Variants in CDKN2B-AS1 observed in about 807,000 individuals in gnomAD.
CDKN2B-AS1 encodes the protein CDKN2B antisense RNA 1 (non-protein coding).
In CDKN2B-AS1 at chr9:22,118,777, T is replaced by A. The variant is rs1563992667; in HGVS notation, n.439-8326T>A. On this transcript the variant is annotated intron_variant and non_coding_transcript_variant, in intron 4 of 4. Coordinates refer to ENST00000650946, the Ensembl canonical transcript of CDKN2B-AS1. ...GTCTGTGATCCAGTAGGTGAGTGAC[T>A]CTGCTGCTGAAATTCACATGTATGT... The A allele has an allele frequency of 2.0e-5, 3 of 152,302 alleles. No homozygotes were observed. The East Asian group carries it at 5.8e-4, about 29-fold the overall frequency. 9.4% of individuals were successfully genotyped at this position (152,302 alleles called of 1,614,324 possible).
At chr9:22,004,962 T>C in intron 1 of CDKN2B-AS1, 2 of 233,356 alleles carry the variant, frequency 8.6e-6, no homozygotes, top group Non-Finnish European at 8.5e-6. Flanking sequence ...ATTTAAGAGC[T>C]GTAGTTCTTC....
At chr9:22,068,454 G>T (rs921245938) in intron 4 of CDKN2B-AS1, among the ~76,000 whole-genome samples, 1 of 152,184 alleles carries the variant, frequency 6.6e-6, no homozygotes, top group Admixed American at 6.6e-5. Flanking sequence ...AAGGATCAGG[G>T]AGTCAGGCGG....
intron 4 of CDKN2B-AS1, among the ~76,000 whole-genome samples, chr9:22,125,491 A>G (rs1329756795): frequency 2.6e-5 from 4 of 152,222 alleles, no homozygotes; most frequent in Non-Finnish European, 4.4e-5. Flanking sequence ...TACTAACCAT[A>G]TGATCAACAG....
Position 22,002,819 on chromosome 9 carries a change from A to T in CDKN2B-AS1, n.29+7658A>T, listed in dbSNP as rs573477576. 1.7e-5 allele frequency: 3 copies of T among 173,182 alleles called. No homozygotes were observed. The East Asian group carries it at 3.1e-4, about 18-fold the overall frequency. The allele number at this position is 173,182 out of a possible 1,614,324, so 10.7% of individuals were successfully genotyped here. A position where few individuals can be genotyped will look rare whatever the true frequency, so the allele number is the denominator to read the frequency against. On this transcript the variant is annotated intron_variant and non_coding_transcript_variant, in intron 1 of 4. Coordinates refer to ENST00000650946, the Ensembl canonical transcript of CDKN2B-AS1. ...ATTTAAGGCATAGGAAATTTTACAT[A>T]GATTTTGCTTTAACAGCAAAACACC...
chr9:22,034,117 T>C (rs963773896), intron 1 of CDKN2B-AS1, among the ~76,000 whole-genome samples: 8 of 152,216 alleles, frequency 5.3e-5, no homozygotes, highest in Non-Finnish European at 1.0e-4. Context: ...GGCCAGATCA[T>C]GTTGAACATG....
intron 4 of CDKN2B-AS1, among the ~76,000 whole-genome samples, chr9:22,125,519 G>A (rs748051817): frequency 7.2e-5 from 11 of 152,172 alleles, no homozygotes; most frequent in East Asian, 1.9e-4. Flanking sequence ...GCAGCCACTC[G>A]CAGAGGTAAG....
chr9:22,064,338 A>G (rs1823948000), intron 4 of CDKN2B-AS1, among the ~76,000 whole-genome samples: 1 of 152,130 alleles, frequency 6.6e-6, no homozygotes, highest in African/African-American at 2.4e-5. Context: ...TGTCATTCCT[A>G]CCTTAGCTCT....
intron 4 of CDKN2B-AS1, among the ~76,000 whole-genome samples, chr9:22,067,482 GTTA>G (rs1161149424): frequency 6.6e-6 from 1 of 152,022 alleles, no homozygotes; most frequent in Non-Finnish European, 1.5e-5. Context: ...ACCAAAATGT[GTTA>G]TTGTCATTAC....
intron 3 of CDKN2B-AS1, among the ~76,000 whole-genome samples, chr9:22,051,075 G>A (rs1823325555): frequency 6.6e-6 from 1 of 152,202 alleles, no homozygotes; most frequent in South Asian, 2.1e-4. Context: ...ACATGGACTG[G>A]CTTCATCCTG....
intron 1 of CDKN2B-AS1, among the ~76,000 whole-genome samples, chr9:22,020,614 A>C (rs1292951805): frequency 2.6e-5 from 4 of 152,028 alleles, no homozygotes; most frequent in Non-Finnish European, 4.4e-5. Context: ...TTTGATTTGC[A>C]TTTTTCTAAT....
chr9:22,116,403 T>A (rs1825950737), intron 4 of CDKN2B-AS1, among the ~76,000 whole-genome samples: 2 of 152,212 alleles, frequency 1.3e-5, no homozygotes, highest in South Asian at 4.2e-4. Flanking sequence ...TCACAATGCA[T>A]AACAGACCCA....
At chr9:22,055,940 A>G (rs1481036112) in intron 3 of CDKN2B-AS1, among the ~76,000 whole-genome samples, 1 of 152,164 alleles carries the variant, frequency 6.6e-6, no homozygotes, top group Non-Finnish European at 1.5e-5. Context: ...GCAACGGGCT[A>G]TCAGATAGTA....
chr9:22,126,850 G>A (rs1481963300), intron 4 of CDKN2B-AS1, among the ~76,000 whole-genome samples: 1 of 152,130 alleles, frequency 6.6e-6, no homozygotes, highest in African/African-American at 2.4e-5. Flanking sequence ...GGGATTACAG[G>A]CGTGAGAAGT....
rs897009606 is a variant in CDKN2B-AS1, at chr9:21,997,812, C to T, written n.29+2651C>T. On this transcript the variant is annotated intron_variant and non_coding_transcript_variant, in intron 1 of 4. Transcript: ENST00000650946. This position sits in a 1 kb window ranked among gnomAD's most constrained non-coding sequence, Gnocchi z 4.8. ...GGTGTTTGACTCAAACACTGGGTAC[C>T]ACAGCCTAGCCAAGTTGACATACCA... Among the ~76,000 whole-genome samples, 1 of 152,196 alleles carries T rather than the reference C, an allele frequency of 6.6e-6. No individual in the cohort carries two copies. Among genetic ancestry groups the T allele is most frequent in the Admixed American group, 6.5e-5 (1 of 15,290 alleles).
chr9:22,032,520 G>T (rs1026143805), intron 1 of CDKN2B-AS1, among the ~76,000 whole-genome samples: 3 of 152,106 alleles, frequency 2.0e-5, no homozygotes, highest in Non-Finnish European at 2.9e-5. Context: ...CTCAACAAAG[G>T]CTTGGCTGTT....
At chr9:22,025,740 C>T (rs968088580) in intron 1 of CDKN2B-AS1, among the ~76,000 whole-genome samples, 10 of 152,068 alleles carry the variant, frequency 6.6e-5, no homozygotes, top group African/African-American at 1.9e-4. Context: ...GTTGCTGGCC[C>T]GAACACACTG....
intron 1 of CDKN2B-AS1, among the ~76,000 whole-genome samples, chr9:22,023,358 A>T (rs1822090143): frequency 6.6e-6 from 1 of 151,642 alleles, no homozygotes; most frequent in Non-Finnish European, 1.5e-5. Flanking sequence ...CTGCTTGTCT[A>T]ATTTTGGAAA....
chr9:22,110,248 A>G (rs1054410354), intron 4 of CDKN2B-AS1, among the ~76,000 whole-genome samples: 4 of 152,170 alleles, frequency 2.6e-5, no homozygotes, highest in African/African-American at 9.6e-5. Flanking sequence ...TAAACATCTC[A>G]TATTTGTCAG....
chr9:22,045,038 T>TTGTGTGTGTGTGTGTGTGTGTGTGTG (rs3028395), intron 1 of CDKN2B-AS1, among the ~76,000 whole-genome samples: 36 of 141,952 alleles, frequency 2.5e-4, no homozygotes, highest in African/African-American at 9.0e-4. Flanking sequence ...TATTATTTAT[T>TTGTGTGTGTGTGTGTGTGTGTGTGTG]TGTGTGTGTG....
Sources: allele counts gnomAD v4.1 joint callset (sites outside exome capture counted in the v4.1 genomes callset), GRCh38; gene constraint gnomAD v4.1.1; non-coding constraint Gnocchi (gnomAD v3.1); transcripts MANE v1.5; gene names NCBI Gene and HGNC (gene_info 2026-07-23, HGNC 2026-07-21).